Variants in SLC17A9 observed in about 807,000 individuals in gnomAD.
SLC17A9 encodes the protein voltage-gated purine nucleotide uniporter SLC17A9.
In SLC17A9, 49 loss-of-function variants were observed where a neutral mutation model predicts 55.0. The observed-to-expected ratio is 0.89, with a 90% CI of 0.71 to 1.13. The LOEUF is 1.13. SLC17A9 is among the 50% of genes most tolerant of loss of function. The pLI is 0.00. For missense variants in SLC17A9, 526 were observed against 569.3 expected, an observed-to-expected ratio of 0.92 and a Z score of 0.77; for synonymous variants, 256 against 247.4, an observed-to-expected ratio of 1.03 and a Z score of -0.32.
At chr20:62,966,889 T>C in intron 12 of SLC17A9, 157 bp downstream of exon 12, 1 of 924,264 alleles carries the variant, frequency 1.1e-6, no homozygotes, top group Non-Finnish European at 1.6e-6. Flanking sequence ...AGGATGGGGC[T>C]GCCTTCCAGG....
Position 62,960,484 on chromosome 20 carries a change from C to A in SLC17A9, c.398-20C>A, listed in dbSNP as rs780737937. 18 of 1,604,986 alleles carry A rather than the reference C, an allele frequency of 1.1e-5. No homozygotes were observed. Among genetic ancestry groups the A allele is most frequent in the Non-Finnish European group, 1.5e-5 (18 of 1,175,892 alleles). Reference sequence around the variant, plus strand: ...CCTCCCTGGATGGACCCTGAGAGACCCTCCCTCCACTTGTTGCAGGGGTTT... The same window carrying A: ...CCTCCCTGGATGGACCCTGAGAGACACTCCCTCCACTTGTTGCAGGGGTTT... On this transcript the variant is annotated intron_variant, in intron 3 of 12. Transcript: ENST00000370351.
chr20:62,956,959 A>G lies in SLC17A9; in HGVS notation c.254A>G (p.Asp85Gly), dbSNP rs1422900548. 6.2e-7 allele frequency: 1 copy of G among 1,613,188 alleles called. No homozygotes were observed. The highest frequency in any genetic ancestry group is 1.1e-5 in the South Asian group (1 of 91,074). ...CAGGTTGTGGGCGGCCACCTCGGGG[A>G]TCGGTAACTGCCCATCTTCCCCATC... ...LTQVVGGHLG[D>G]RIGGEKVILL... The change falls in exon 2 of 13, where the codon GAT (aspartate) becomes GGT (glycine). Residue 85 changes from aspartate (D) to glycine (G), a missense_variant. Coordinates refer to ENST00000370351, the MANE Select transcript of SLC17A9 (RefSeq NM_022082.4).
intron 3 of SLC17A9, among the ~76,000 whole-genome samples, chr20:62,959,286 G>A (rs2065568799): frequency 1.3e-5 from 2 of 152,246 alleles, no homozygotes; most frequent in African/African-American, 2.4e-5. Flanking sequence ...GCCAGACCCC[G>A]TAGGCTCGCT....
chr20:62,955,104 A>C (rs1002580215), intron 1 of SLC17A9, among the ~76,000 whole-genome samples: 4 of 151,176 alleles, frequency 2.6e-5, no homozygotes, highest in Admixed American at 2.6e-4. Flanking sequence ...CCACAGGTGC[A>C]CACCACCACA....
chr20:62,955,228 A>C (rs148678511), intron 1 of SLC17A9, among the ~76,000 whole-genome samples: 1,924 of 145,776 alleles, frequency 0.013, 18 homozygotes, highest in Non-Finnish European at 0.02. Context: ...GTTCACTGCA[A>C]CCTCTGCCTC....
intron 12 of SLC17A9, 183 bp from the exon 13 acceptor site, chr20:62,967,154 A>C: frequency 1.4e-6 from 1 of 695,396 alleles, no homozygotes; most frequent in Non-Finnish European, 2.4e-6. Flanking sequence ...TGCCCCTCCA[A>C]GACCCTCCAA....
rs552508557 is a variant in SLC17A9 at position 62,965,824 on chromosome 20, T to G, written c.1061+99T>G. The stretch of plus-strand genomic sequence containing the variant: ...AGCTCTGTCCGCCTCTCTCAGTCTC[T>G]TCCTCACACTTCACCCCCTTCCCAA... On this transcript the variant is annotated intron_variant, in intron 10 of 12. Coordinates refer to ENST00000370351, the MANE Select transcript of SLC17A9 (RefSeq NM_022082.4). 1,058 of 1,105,770 alleles carry G rather than the reference T, an allele frequency of 9.6e-4. 1 individual carries two copies. The highest frequency in any genetic ancestry group is 1.3e-3 in the Non-Finnish European group (954 of 746,840). The allele number at this position is 1,105,770 out of a possible 1,614,324, so 68.5% of individuals were successfully genotyped here.
chr20:62,963,913 G>A (rs776642848), intron 7 of SLC17A9: 65 of 597,262 alleles, frequency 1.1e-4, no homozygotes, highest in Middle Eastern at 4.5e-4. Context: ...TTCCTGCTGC[G>A]GCTGCAGCCC....
chr20:62,967,191 A>T, intron 12 of SLC17A9, 146 bp from the exon 13 acceptor site: 1 of 932,446 alleles, frequency 1.1e-6, no homozygotes, highest in South Asian at 1.6e-5. Context: ...CAGCTGGGAC[A>T]CTGAATTCAG....
chr20:62,952,985 G>A, intron 1 of SLC17A9, 96 bp downstream of exon 1: 1 of 1,356,998 alleles, frequency 7.4e-7, no homozygotes, highest in Non-Finnish European at 9.9e-7. Context: ...TGCTAGGTGG[G>A]GAGGGCTGAG....
chr20:62,963,426 G>T, intron 6 of SLC17A9, 57 bp downstream of exon 6: 1 of 1,572,306 alleles, frequency 6.4e-7, no homozygotes, highest in Admixed American at 1.8e-5. Flanking sequence ...GACCATGGGG[G>T]TGTGAACCTG....
chr20:62,955,564 G>A (rs1370178588), intron 1 of SLC17A9, among the ~76,000 whole-genome samples: 3 of 151,722 alleles, frequency 2.0e-5, no homozygotes, highest in East Asian at 1.9e-4. Flanking sequence ...TGCCCACCTC[G>A]GCCTCCTAAA....
intron 1 of SLC17A9, among the ~76,000 whole-genome samples, chr20:62,954,639 G>A (rs566187174): frequency 1.3e-5 from 2 of 152,260 alleles, no homozygotes; most frequent in Admixed American, 6.5e-5. Flanking sequence ...TCAGGTAGCC[G>A]ACTGTCTGGG....
intron 4 of SLC17A9, among the ~76,000 whole-genome samples, 193 bp downstream of exon 4, chr20:62,960,796 T>G (rs528378320): frequency 6.6e-6 from 1 of 152,390 alleles, no homozygotes; most frequent in South Asian, 2.1e-4. Flanking sequence ...GCACCGCGCT[T>G]GCTTTGTGCA....
Position 62,965,652 on chromosome 20 carries a change from G to A in SLC17A9, c.988G>A (p.Gly330Ser). ...CTCCAGCGTCTTTGCTCTGTGCCTG[G>A]GCCACACCTCCAGCTTCTGTGAGTC... ...GLSSVFALCL[G>S]HTSSFCESVV... The change falls in exon 10 of 13, where the codon GGC (glycine) becomes AGC (serine). Residue 330 changes from glycine (G) to serine (S), a missense_variant. Gly to Ser is a moderately conservative substitution (Grantham distance 56). Transcript: ENST00000370351. The A allele has an allele frequency of 1.2e-6, 2 of 1,613,932 alleles. No homozygotes were observed. The highest frequency in any genetic ancestry group is 1.7e-6 in the Non-Finnish European group (2 of 1,180,024).
At chr20:62,965,482 G>C (rs1568917752) in intron 9 of SLC17A9, 128 bp from the exon 10 acceptor site, 1 of 880,682 alleles carries the variant, frequency 1.1e-6, no homozygotes, top group South Asian at 1.5e-5. Context: ...TCTGAGAGAA[G>C]TTTGTGGTCG....
intron 10 of SLC17A9, 115 bp from the exon 11 acceptor site, chr20:62,966,410 C>A (rs1236053111): frequency 8.3e-7 from 1 of 1,208,318 alleles, no homozygotes; most frequent in African/African-American, 1.5e-5. Flanking sequence ...CTGAGCGTGT[C>A]CCAGCCCCTC....
intron 1 of SLC17A9, among the ~76,000 whole-genome samples, chr20:62,954,571 C>T (rs1382361001): frequency 6.6e-6 from 1 of 152,218 alleles, no homozygotes; most frequent in Non-Finnish European, 1.5e-5. Flanking sequence ...GGCACACCCC[C>T]CGTCCCCCGC....
chr20:62,965,404 G>A (rs189388635), intron 9 of SLC17A9, among the ~76,000 whole-genome samples: 1 of 152,348 alleles, frequency 6.6e-6, no homozygotes, highest in Non-Finnish European at 1.5e-5. Flanking sequence ...ACGTCGAATA[G>A]GGCCTCTCCC....
Sources: gnomAD v4.1 joint callset for allele counts (sites outside exome capture counted in the v4.1 genomes callset) on GRCh38, gnomAD v4.1.1 for gene constraint, MANE v1.5 for transcripts, NCBI Gene and HGNC (gene_info 2026-07-23, HGNC 2026-07-21) for gene names.